The following SYTL5 variants were observed in gnomAD, a reference collection of about 807,000 sequenced individuals.
The protein encoded by SYTL5 is synaptotagmin like 5.
In SYTL5, 34 loss-of-function variants were observed where a neutral mutation model predicts 55.9. The ratio of observed to expected loss-of-function variants is 0.61; its 90% CI spans 0.46 to 0.81. SYTL5 has a LOEUF of 0.81. Among genes scored for constraint, SYTL5 ranks in the 30% least tolerant of loss-of-function variants. The pLI, the probability that SYTL5 is intolerant of heterozygous loss-of-function variation, is 0.00. For synonymous variants in SYTL5, 221 were observed against 188.7 expected (o/e 1.17, Z -1.40); for missense variants, 637 against 546.7 (o/e 1.17, Z -1.65).
chrX:37,897,269 G>A, the SYTL5 span, among the ~76,000 whole-genome samples: 1,494 of 109,294 alleles, frequency 0.014, 29 homozygotes, highest in African/African-American at 0.047. Flanking sequence ...CAGATCACAA[G>A]GTCAGGAGTT....
intron 2 of SYTL5, among the ~76,000 whole-genome samples, chrX:38,037,788 T>TGATAGATAGATA (rs3067489): frequency 0.027 from 2,213 of 82,421 alleles, 30 homozygotes; most frequent in African/African-American, 0.029. Context: ...AACATTTTTC[T>TGATAGATAGATA]GATAGATAGA....
upstream of SYTL5, among the ~76,000 whole-genome samples, chrX:38,005,633 A>G (rs752849537): frequency 4.2e-4 from 47 of 111,573 alleles, no homozygotes; most frequent in Non-Finnish European, 2.1e-4. Context: ...GGCTAGCATC[A>G]AATGAGCTTG....
At chrX:38,092,956 A>T (rs7888905) in intron 7 of SYTL5, among the ~76,000 whole-genome samples, 11,671 of 111,367 alleles carry the variant, frequency 0.1, 1,070 homozygotes, top group African/African-American at 0.28. Context: ...CTCACAGATC[A>T]CCTGTGGGAA....
chrX:38,089,805 G>A (rs1412666923), intron 7 of SYTL5, among the ~76,000 whole-genome samples: 1 of 111,917 alleles, frequency 8.9e-6, no homozygotes, highest in Non-Finnish European at 1.9e-5. Flanking sequence ...CATGAGAACA[G>A]CACAGGGGAA....
the SYTL5 span, among the ~76,000 whole-genome samples, chrX:37,895,723 A>G: frequency 9.1e-6 from 1 of 110,022 alleles, no homozygotes; most frequent in Non-Finnish European, 1.9e-5. Flanking sequence ...CCCCATCCTT[A>G]AAATAATGTT....
intron 6 of SYTL5, among the ~76,000 whole-genome samples, chrX:38,080,452 GTTT>G (rs1936502576): frequency 9.0e-6 from 1 of 111,037 alleles, no homozygotes; most frequent in Non-Finnish European, 1.9e-5. Context: ...ACGCACACCA[GTTT>G]CATCCAGTTA....
chrX:38,046,599 G>T (rs1023133780), intron 2 of SYTL5, among the ~76,000 whole-genome samples: 1 of 111,661 alleles, frequency 9.0e-6, no homozygotes, highest in South Asian at 3.8e-4. Context: ...TGGGGACAGA[G>T]CCAAACCATA....
intron 9 of SYTL5, among the ~76,000 whole-genome samples, chrX:38,096,442 T>A (rs1374592190): frequency 3.6e-5 from 4 of 111,539 alleles, no homozygotes; most frequent in Non-Finnish European, 5.7e-5. Flanking sequence ...TGAGTGAAGG[T>A]TATGTCTAAG....
At chrX:37,913,061 C>T in the SYTL5 span, among the ~76,000 whole-genome samples, 1 of 111,674 alleles carries the variant, frequency 9.0e-6, no homozygotes, top group Non-Finnish European at 1.9e-5. Flanking sequence ...CCTTTTGTAC[C>T]TCCCCCTTCT....
chrX:38,042,373 G>C (rs909522377), intron 2 of SYTL5, among the ~76,000 whole-genome samples: 1 of 110,771 alleles, frequency 9.0e-6, no homozygotes, highest in Admixed American at 9.7e-5. Flanking sequence ...TTGGCCCACT[G>C]TAAATGTGGG....
chrX:37,981,718 A>G, the SYTL5 span, among the ~76,000 whole-genome samples: 1 of 111,780 alleles, frequency 8.9e-6, no homozygotes, highest in Non-Finnish European at 1.9e-5. Flanking sequence ...ATCAGCCAGT[A>G]ATTAGTGGAA....
At chrX:37,903,610 T>G in the SYTL5 span, among the ~76,000 whole-genome samples, 1 of 105,205 alleles carries the variant, frequency 9.5e-6, no homozygotes, top group African/African-American at 3.5e-5. Flanking sequence ...AAATGACGAG[T>G]TAATGGGTGC....
intron 6 of SYTL5, among the ~76,000 whole-genome samples, chrX:38,082,954 A>G (rs1380300794): frequency 8.9e-6 from 1 of 112,293 alleles, no homozygotes; most frequent in Admixed American, 9.4e-5. Flanking sequence ...CTTAATACCT[A>G]TCTTCTTATA....
chrX:37,909,808 G>T, the SYTL5 span, among the ~76,000 whole-genome samples: 3 of 110,153 alleles, frequency 2.7e-5, no homozygotes, highest in African/African-American at 9.9e-5. Flanking sequence ...CCAAGTAGCT[G>T]GGATTACAGG....
intron 7 of SYTL5, among the ~76,000 whole-genome samples, chrX:38,093,815 G>A (rs1328035518): frequency 9.1e-6 from 1 of 109,912 alleles, no homozygotes; most frequent in Non-Finnish European, 1.9e-5. Context: ...CAGCCTTCTA[G>A]ATGGAAAAGG....
At chrX:38,014,598 T>G (rs1353582329) in intron 1 of SYTL5, among the ~76,000 whole-genome samples, 1 of 111,540 alleles carries the variant, frequency 9.0e-6, no homozygotes, top group Admixed American at 9.5e-5. Context: ...TTTTATACAT[T>G]TTAGGGAGCC....
chrX:38,043,653 G>A (rs866386953), intron 2 of SYTL5, among the ~76,000 whole-genome samples: 1 of 47,831 alleles, frequency 2.1e-5, no homozygotes, highest in Admixed American at 3.4e-4. Context: ...TTTTATGTAT[G>A]TATGTATGTA....
the SYTL5 span, among the ~76,000 whole-genome samples, chrX:37,986,848 A>C: frequency 2.7e-5 from 3 of 111,954 alleles, no homozygotes; most frequent in African/African-American, 9.7e-5. Flanking sequence ...TATTACTATT[A>C]TAACTCATAA....
intron 14 of SYTL5, 58 bp downstream of exon 14, chrX:38,120,524 TG>T: frequency 6.7e-6 from 6 of 893,884 alleles, no homozygotes; most frequent in Non-Finnish European, 9.9e-6. Context: ...AGTGTGGTAG[TG>T]GGACTCAGGG....
Sources: allele counts gnomAD v4.1 joint callset (sites outside exome capture counted in the v4.1 genomes callset), GRCh38; gene constraint gnomAD v4.1.1; transcripts MANE v1.5; gene names NCBI Gene and HGNC (gene_info 2026-07-23, HGNC 2026-07-21).